Variants in RP1L1 observed in about 807,000 individuals in gnomAD.
The protein encoded by RP1L1 is RP1 like 1.
Under a neutral mutation model 15.7 loss-of-function variants are expected in RP1L1, and 27 were observed. The observed-to-expected ratio is 1.72, with a 90% CI of 1.27 to 2.38. RP1L1 has a LOEUF of 2.38. Among genes scored for constraint, RP1L1 ranks in the 30% most tolerant of loss-of-function variants. The probability of loss-of-function intolerance (pLI) is 0.00; values close to 1 mark genes in which losing one functional copy is unlikely to be tolerated. For synonymous variants in RP1L1, 1,813 were observed against 1,276.7 expected (o/e 1.42, Z -8.96); for missense variants, 4,798 against 3,075.9 (o/e 1.56, Z -13.24).
chr8:10,617,509 A>C (rs1451844759), intron 2 of RP1L1, among the ~76,000 whole-genome samples: 1 of 144,824 alleles, frequency 6.9e-6, no homozygotes, highest in African/African-American at 2.5e-5. Context: ...GGTAATTAGA[A>C]GTTTGTTTTT....
chr8:10,625,890 C>A (rs971761510), intron 1 of RP1L1, among the ~76,000 whole-genome samples: 8 of 151,526 alleles, frequency 5.3e-5, no homozygotes, highest in African/African-American at 1.9e-4. Flanking sequence ...TGAGTCAGTG[C>A]AGGTGGGGGG....
At chr8:10,622,414 A>C (rs1798074848) in intron 2 of RP1L1, among the ~76,000 whole-genome samples, 179 bp downstream of exon 2, 1 of 151,938 alleles carries the variant, frequency 6.6e-6, no homozygotes, top group South Asian at 2.1e-4. Context: ...TAAAAACATG[A>C]ATCACAGCTG....
rs1249662140 is a variant in RP1L1, at chr8:10,608,670, G to T, written c.5428C>A (p.His1810Asn). Residue 1810 changes from histidine to asparagine, a missense_variant, in exon 4 of 4, where the codon CAT becomes AAT. Coordinates refer to ENST00000382483, the MANE Select transcript of RP1L1 (RefSeq NM_178857.6). ...RGETGGQGSG[H>N]EDNLQGEAAA... ...GCTTCACCCTGCAAGTTGTCCTCAT[G>T]CCCAGAGCCTTGACCCCCAGTTTCT... is the stretch of plus-strand genomic sequence containing the variant. 1 of 1,614,036 alleles carries T rather than the reference G, an allele frequency of 6.2e-7. No individual in the cohort carries two copies. The highest frequency in any genetic ancestry group is 1.7e-5 in the Admixed American group (1 of 60,004).
Position 10,609,511 on chromosome 8 carries a change from G to A in RP1L1, c.4587C>T (p.Ala1529=). The change falls in exon 4 of 4, where the codon GCC becomes GCT. Residue 1529 remains alanine (A), a synonymous_variant. Coordinates refer to ENST00000382483, the MANE Select transcript of RP1L1 (RefSeq NM_178857.6). ...CCGCACTGGCAAGGTGGGCCAGGAA[G>A]GCCTTCTCCGTCTTCTTCAGTAACA... ...VSVLLKKTEK[A]FLAHLASAVA... 1 of 1,609,652 alleles carries A rather than the reference G, an allele frequency of 6.2e-7. No individual in the cohort carries two copies. The highest frequency in any genetic ancestry group is 8.5e-7 in the Non-Finnish European group (1 of 1,178,736).
Position 10,606,683 on chromosome 8 carries a change from C to T in RP1L1, c.*212G>A, listed in dbSNP as rs971748071. On this transcript the variant is annotated 3_prime_UTR_variant, in exon 4 of 4. Transcript: ENST00000382483. The stretch of plus-strand genomic sequence containing the variant: ...TCCGCAGACACCCCCTTTCTTCACA[C>T]TGCGTGTGGGACGGGCCGCAGAGCT... 2.7e-6 allele frequency: 2 copies of T among 753,912 alleles called. No individual in the cohort carries two copies. Among genetic ancestry groups the T allele is most frequent in the Admixed American group, 3.0e-5 (1 of 33,428 alleles). The allele number at this position is 753,912 out of a possible 1,614,324, so 46.7% of individuals were successfully genotyped here.
At position 10,608,047 on chromosome 8, in the gene RP1L1, C is replaced by T; in HGVS notation, c.6051G>A (p.Gln2017=). ...GGGCCTCTACACCGTCTGACTCTGG[C>T]TGGGCCTCCTCTTCTGCCTCTTGCA... ...GEMQEAEEEA[Q]PESDGVEAQP... Residue 2017 remains glutamine, a synonymous_variant, in exon 4 of 4, where the codon CAG becomes CAA. Coordinates refer to ENST00000382483, the MANE Select transcript of RP1L1 (RefSeq NM_178857.6). The T allele has an allele frequency of 6.2e-7, 1 of 1,612,894 alleles. No individual in the cohort carries two copies.
chr8:10,653,896 G>C (rs78576015), intron 1 of RP1L1, among the ~76,000 whole-genome samples: 7,030 of 152,258 alleles, frequency 0.046, 521 homozygotes, highest in African/African-American at 0.16. Context: ...CCCAGGGAAG[G>C]AGTCCTGGTG....
At chr8:10,623,513 CCACCATGAA>C (rs1208314769) in intron 1 of RP1L1, among the ~76,000 whole-genome samples, 13 of 25,866 alleles carry the variant, frequency 5.0e-4, no homozygotes, top group African/African-American at 1.2e-3. Flanking sequence ...GTCCCCAGAA[CCACCATGAA>C]ACCAGGACCA....
At chr8:10,644,372 T>C (rs1261851380) in intron 1 of RP1L1, among the ~76,000 whole-genome samples, 1 of 152,020 alleles carries the variant, frequency 6.6e-6, no homozygotes, top group African/African-American at 2.4e-5. Flanking sequence ...CAGGAAGGCT[T>C]CCAGGACACA....
chr8:10,606,818 G>A lies in RP1L1; in HGVS notation c.*77C>T, dbSNP rs767108680. 1.5e-5 allele frequency: 24 copies of A among 1,602,870 alleles called. No individual in the cohort carries two copies. Among genetic ancestry groups the A allele is most frequent in the African/African-American group, 6.7e-5 (5 of 74,792 alleles). ...TATGGACATCTCCAGTGGACTGAAC[G>A]TTGCTCAGTTTTGTAGAAAAAATAT... On this transcript the variant is annotated 3_prime_UTR_variant, in exon 4 of 4. Coordinates refer to ENST00000382483, the MANE Select transcript of RP1L1 (RefSeq NM_178857.6).
rs555546405 is a variant in RP1L1 at position 10,615,200 on chromosome 8, G to A, written c.751+1246C>T. On this transcript the variant is annotated intron_variant, in intron 3 of 3. Coordinates refer to ENST00000382483, the MANE Select transcript of RP1L1 (RefSeq NM_178857.6). ...GGGCCTCCAGCACCTGACCTACAGT[G>A]ATCACTGAGCCTGTGCTTGTTGGTG... is the stretch of plus-strand genomic sequence containing the variant. Among the ~76,000 whole-genome samples, 6 of 152,310 alleles carry A rather than the reference G, an allele frequency of 3.9e-5. No homozygotes were observed. The East Asian group carries it at 1.2e-3, about 29-fold the overall frequency.
intron 2 of RP1L1, among the ~76,000 whole-genome samples, chr8:10,619,579 T>G (rs1274658391): frequency 6.6e-6 from 1 of 152,136 alleles, no homozygotes; most frequent in Non-Finnish European, 1.5e-5. Flanking sequence ...CCTCCAGCCT[T>G]TCACTGAATC....
At chr8:10,647,218 C>A (rs1375786535) in intron 1 of RP1L1, among the ~76,000 whole-genome samples, 1 of 152,220 alleles carries the variant, frequency 6.6e-6, no homozygotes, top group South Asian at 2.1e-4. Context: ...ACAAGGCAAC[C>A]AAGTACAAAT....
Position 10,609,779 on chromosome 8 carries a change from T to C in RP1L1, c.4319A>G (p.Glu1440Gly), listed in dbSNP as rs1244392770. Reference sequence around the variant, plus strand: ...CTCTGTGCCCTCTGCGGGGCACGGCTCTGCAGAGGCAGAGGCTCTTCCTGC... The same window carrying C: ...CTCTGTGCCCTCTGCGGGGCACGGCCCTGCAGAGGCAGAGGCTCTTCCTGC... Reference protein sequence around the residue: ...EEAGRASASAEPCPAEGTEEP... With the variant: ...EEAGRASASAGPCPAEGTEEP... Residue 1440 changes from glutamate to glycine, a missense_variant, in exon 4 of 4, where the codon GAG becomes GGG. Transcript: ENST00000382483. 7.4e-6 allele frequency: 12 copies of C among 1,613,852 alleles called. No homozygotes were observed. The highest frequency in any genetic ancestry group is 1.7e-5 in the Admixed American group (1 of 60,000).
intron 3 of RP1L1, among the ~76,000 whole-genome samples, chr8:10,614,503 C>A (rs1797932387): frequency 6.6e-6 from 1 of 151,688 alleles, no homozygotes; most frequent in South Asian, 2.1e-4. Context: ...CTACTAAAAG[C>A]ACAAAAAAAT....
rs370203506 is a variant in RP1L1, at chr8:10,611,588, G to A, written c.2510C>T (p.Ala837Val). The part of the protein sequence containing the change: ...SQPGTQPAQE[A>V]QRGPSPEASW... ...AGCCTCAGGGGAGGGTCCCCGCTGG[G>A]CCTCTTGGGCCGGCTGCGTCCCAGG... is the stretch of plus-strand genomic sequence containing the variant. Residue 837 changes from alanine to valine, a missense_variant, in exon 4 of 4, where the codon GCC becomes GTC. Transcript: ENST00000382483. 1 of 1,611,154 alleles carries A rather than the reference G, an allele frequency of 6.2e-7. No homozygotes were observed. Among genetic ancestry groups the A allele is most frequent in the Non-Finnish European group, 8.5e-7 (1 of 1,179,110 alleles).
At position 10,611,853 on chromosome 8, in the gene RP1L1, CA is replaced by C; in HGVS notation, c.2244del (p.Phe748LeufsTer181). 2 of 1,613,826 alleles carry C rather than the reference CA, an allele frequency of 1.2e-6. No homozygotes were observed. The highest frequency in any genetic ancestry group is 8.5e-7 in the Non-Finnish European group (1 of 1,180,028). On this transcript the variant is annotated frameshift_variant, in exon 4 of 4. Coordinates refer to ENST00000382483, the MANE Select transcript of RP1L1 (RefSeq NM_178857.6). LOFTEE classifies it low-confidence loss of function (END_TRUNC). ...ATVTPAVHSD[F>X]VSGVSPHNAP... Reference sequence around the variant, plus strand: ...GCGTTGTGCGGGGAGACTCCAGAAACAAAATCCGAGTGGACTGCAGGGGTGA... The same window carrying C: ...GCGTTGTGCGGGGAGACTCCAGAAACAAATCCGAGTGGACTGCAGGGGTGA...
At chr8:10,644,149 C>T (rs1798443595) in intron 1 of RP1L1, among the ~76,000 whole-genome samples, 1 of 152,020 alleles carries the variant, frequency 6.6e-6, no homozygotes, top group Non-Finnish European at 1.5e-5. Flanking sequence ...CAACTGGGCC[C>T]CAAGCTCCGT....
chr8:10,610,760 C>T lies in RP1L1; in HGVS notation c.3338G>A (p.Cys1113Tyr). 6.2e-7 allele frequency: 1 copy of T among 1,613,374 alleles called. No individual in the cohort carries two copies. The highest frequency in any genetic ancestry group is 2.2e-5 in the East Asian group (1 of 44,884). ...ACAAGTAATGAGGGCCCCGGCTGAGCAGCTGAGCCTCCTGGCCATGGGCCT... is the reference window on the plus strand; with the variant it reads ...ACAAGTAATGAGGGCCCCGGCTGAGTAGCTGAGCCTCCTGGCCATGGGCCT... ...VSRPMARRLS[C>Y]SAGALITCLA... The change falls in exon 4 of 4, where the codon TGC (cysteine) becomes TAC (tyrosine). Residue 1113 changes from cysteine (C) to tyrosine (Y), a missense_variant. Physicochemically the swap from Cys to Tyr is radical, Grantham distance 194 (BLOSUM62 -2). Transcript: ENST00000382483.
Sources: gnomAD v4.1 joint callset for allele counts (sites outside exome capture counted in the v4.1 genomes callset) on GRCh38, gnomAD v4.1.1 for gene constraint, MANE v1.5 for transcripts, NCBI Gene and HGNC (gene_info 2026-07-23, HGNC 2026-07-21) for gene names.